Variants in C12orf42 observed in about 807,000 individuals in gnomAD.
C12orf42 encodes the protein uncharacterized protein C12orf42.
A neutral mutation model predicts 21.6 loss-of-function variants in C12orf42; 25 were observed. The observed-to-expected ratio is 1.16, with a 90% CI of 0.84 to 1.62. The LOEUF is 1.62. Ranked by LOEUF, C12orf42 falls within the 40% of genes most tolerant of loss-of-function variation. C12orf42 has a pLI of 0.00. For synonymous variants in C12orf42, 174 were observed against 175.0 expected (o/e 0.99, Z 0.05); for missense variants, 483 against 459.3 (o/e 1.05, Z -0.47).
At chr12:103,167,384 C>A in the C12orf42 span, among the ~76,000 whole-genome samples, 2 of 152,178 alleles carry the variant, frequency 1.3e-5, no homozygotes, top group Admixed American at 1.3e-4. Flanking sequence ...TGTGTCCCCC[C>A]AAATTGAAGC....
intron 3 of C12orf42, chr12:103,397,880 A>G (rs2047669261): frequency 6.6e-6 from 1 of 152,178 alleles, no homozygotes; most frequent in Non-Finnish European, 1.5e-5. Context: ...CAATAACAAC[A>G]ATGTATTATA....
At position 103,419,791 on chromosome 12, in the gene C12orf42, G is replaced by A. The variant is rs559839621; in HGVS notation, c.79-18116C>T. Among the ~76,000 whole-genome samples, 13 of 152,154 alleles carry A rather than the reference G, an allele frequency of 8.5e-5. No individual in the cohort carries two copies. The South Asian group carries it at 2.5e-3, about 29-fold the overall frequency. On this transcript the variant is annotated intron_variant, in intron 2 of 5. Transcript: ENST00000548883. ...CCTGGCCACCTTGTGTGGATACCTCGTCATAGCTCTGCTTCCTGGGGCCCG... is the reference window on the plus strand; with the variant it reads ...CCTGGCCACCTTGTGTGGATACCTCATCATAGCTCTGCTTCCTGGGGCCCG...
At chr12:103,448,982 G>GAT (rs1330603227) in intron 2 of C12orf42, among the ~76,000 whole-genome samples, 1 of 151,930 alleles carries the variant, frequency 6.6e-6, no homozygotes, top group Non-Finnish European at 1.5e-5. Flanking sequence ...ATATGAAAAA[G>GAT]ATACTTGCAC....
chr12:103,112,580 G>A, the C12orf42 span, among the ~76,000 whole-genome samples: 1 of 152,148 alleles, frequency 6.6e-6, no homozygotes, highest in Non-Finnish European at 1.5e-5. Flanking sequence ...AGAATCGCTT[G>A]AACCCAGGAG....
At chr12:103,552,030 AC>A in the C12orf42 span, among the ~76,000 whole-genome samples, 8 of 144,520 alleles carry the variant, frequency 5.5e-5, no homozygotes, top group East Asian at 8.6e-4. Flanking sequence ...TGATATGTTG[AC>A]CTTTTTTTTT....
intron 4 of C12orf42, among the ~76,000 whole-genome samples, chr12:103,319,722 A>C (rs555163809): frequency 7.9e-5 from 12 of 152,374 alleles, no homozygotes; most frequent in African/African-American, 2.6e-4. Context: ...GCAGTTTACA[A>C]GCATTTTTCT....
the C12orf42 span, among the ~76,000 whole-genome samples, chr12:103,145,378 CAG>C: frequency 6.6e-6 from 1 of 152,094 alleles, no homozygotes; most frequent in African/African-American, 2.4e-5. Flanking sequence ...TGGCCATTGA[CAG>C]AGATGTTACA....
chr12:103,265,425 T>C (rs2035116477), downstream of C12orf42, among the ~76,000 whole-genome samples: 4 of 152,196 alleles, frequency 2.6e-5, no homozygotes, highest in Admixed American at 2.0e-4. Context: ...TATAGAAAAC[T>C]GCTTTACCTA....
chr12:103,224,103 T>G, the C12orf42 span, among the ~76,000 whole-genome samples: 1 of 152,126 alleles, frequency 6.6e-6, no homozygotes, highest in African/African-American at 2.4e-5. Context: ...TCTCAGACCC[T>G]GTAGGAAAGG....
intron 2 of C12orf42, among the ~76,000 whole-genome samples, chr12:103,418,197 A>T (rs965017882): frequency 6.6e-6 from 1 of 152,194 alleles, no homozygotes; most frequent in Non-Finnish European, 1.5e-5. Flanking sequence ...CTTTTAATGG[A>T]GTAATCCTCA....
At chr12:103,182,057 T>A in the C12orf42 span, among the ~76,000 whole-genome samples, 14 of 152,098 alleles carry the variant, frequency 9.2e-5, no homozygotes, top group Non-Finnish European at 1.9e-4. Flanking sequence ...ATCGTAGGGT[T>A]TTTCTCGTGT....
intron 4 of C12orf42, among the ~76,000 whole-genome samples, chr12:103,358,249 C>T (rs542347416): frequency 6.6e-5 from 10 of 152,242 alleles, no homozygotes; most frequent in African/African-American, 2.2e-4. Flanking sequence ...GAGAAATAAA[C>T]TCCACCTCTT....
chr12:103,099,623 A>T, the C12orf42 span, among the ~76,000 whole-genome samples: 148,893 of 152,330 alleles, frequency 0.98, 72,791 homozygotes, highest in East Asian at 1. Flanking sequence ...AGAAAGTATA[A>T]CATCCAAGGA....
At chr12:103,187,291 G>A in the C12orf42 span, among the ~76,000 whole-genome samples, 1 of 152,264 alleles carries the variant, frequency 6.6e-6, no homozygotes, top group South Asian at 2.1e-4. Context: ...CATGGAATAA[G>A]TACAATTAAC....
At chr12:103,470,106 C>T (rs1486462827) in intron 2 of C12orf42, among the ~76,000 whole-genome samples, 2 of 152,152 alleles carry the variant, frequency 1.3e-5, no homozygotes, top group East Asian at 1.9e-4. Context: ...CCCATCCCAG[C>T]GTTCCTAAGA....
At chr12:103,535,659 G>C in the C12orf42 span, among the ~76,000 whole-genome samples, 1 of 152,110 alleles carries the variant, frequency 6.6e-6, no homozygotes, top group Non-Finnish European at 1.5e-5. Flanking sequence ...ATTGGAGAGA[G>C]GCAAAGCTGG....
chr12:103,468,079 T>C (rs1009874168), intron 2 of C12orf42, among the ~76,000 whole-genome samples: 1 of 152,246 alleles, frequency 6.6e-6, no homozygotes, highest in African/African-American at 2.4e-5. Flanking sequence ...AAGTTTCATA[T>C]GCTGTGCTTT....
At chr12:103,055,656 G>A in the C12orf42 span, among the ~76,000 whole-genome samples, 6 of 151,960 alleles carry the variant, frequency 3.9e-5, no homozygotes, top group South Asian at 8.3e-4. Context: ...AGTTTGAAAT[G>A]TTTCCTCTTT....
At chr12:103,506,103 G>C in the C12orf42 span, 1 of 214,482 alleles carries the variant, frequency 4.7e-6, no homozygotes, top group South Asian at 8.4e-5. Flanking sequence ...GCTTTTCCTA[G>C]ATGATCTTGA....
Sources: gnomAD v4.1 joint callset for allele counts (sites outside exome capture counted in the v4.1 genomes callset) on GRCh38, gnomAD v4.1.1 for gene constraint, MANE v1.5 for transcripts, NCBI Gene and HGNC (gene_info 2026-07-23, HGNC 2026-07-21) for gene names.